Variants in BOD1L1 observed in about 807,000 individuals in gnomAD.
BOD1L1 encodes biorientation of chromosomes in cell division protein 1-like 1.
In BOD1L1, 86 loss-of-function variants were observed where a neutral mutation model predicts 240.7. The ratio of observed to expected loss-of-function variants is 0.36; its 90% CI spans 0.30 to 0.43. The LOEUF is 0.43. Among genes scored for constraint, BOD1L1 ranks in the 20% least tolerant of loss-of-function variants. BOD1L1 has a pLI of 1.00. For missense variants in BOD1L1, 3,554 were observed against 3,643.5 expected (o/e 0.98, Z 0.63); for synonymous variants, 1,268 against 1,272.3 (o/e 1.00, Z 0.07).
intron 17 of BOD1L1, among the ~76,000 whole-genome samples, chr4:13,583,715 ATTT>A (rs1468277853): frequency 6.6e-6 from 1 of 152,160 alleles, no homozygotes; most frequent in Non-Finnish European, 1.5e-5. Flanking sequence ...TTCTCTTATT[ATTT>A]GTTTGTATCT....
At position 13,603,719 on chromosome 4, in the gene BOD1L1, G is replaced by C. The variant is rs146619696; in HGVS notation, c.3181C>G (p.Leu1061Val). The stretch of plus-strand genomic sequence containing the variant: ...CTTCTACTTAATTTCTTTTCCATGA[G>C]TGAACTATTACCTCTGGCCTTTTCA... ...SHEKARGNSS[L>V]MEKKLSRRLC... The change falls in exon 10 of 26, where the codon CTC becomes GTC. Residue 1061 changes from leucine to valine, a missense_variant. Leu to Val is a conservative substitution (Grantham distance 32, BLOSUM62 1). Transcript: ENST00000040738. 3 of 1,613,888 alleles carry C rather than the reference G, an allele frequency of 1.9e-6. No individual in the cohort carries two copies. Among genetic ancestry groups the C allele is most frequent in the South Asian group, 2.2e-5 (2 of 91,082 alleles).
At position 13,611,013 on chromosome 4, in the gene BOD1L1, A is replaced by AC; in HGVS notation, c.1411dup (p.Val471GlyfsTer12). 6.2e-7 allele frequency: 1 copy of AC among 1,612,466 alleles called. No homozygotes were observed. The highest frequency in any genetic ancestry group is 8.5e-7 in the Non-Finnish European group (1 of 1,178,774). On this transcript the variant is annotated frameshift_variant, in exon 6 of 26. Coordinates refer to ENST00000040738, the MANE Select transcript of BOD1L1 (RefSeq NM_148894.3). LOFTEE classifies it high-confidence loss of function. ...TTTTGAGTAAAGATATGGTTTGTGG[A>AC]CATACGCATGCCGTACACTTTTTGT...
At position 13,614,914 on chromosome 4, in the gene BOD1L1, G is replaced by A. The variant is rs1322929544; in HGVS notation, c.560-104C>T. ...GTCATCTTTATATGATGCATATGCT[G>A]TGCAGACCATCTGTATATTCTTTTA... On this transcript the variant is annotated intron_variant, in intron 3 of 25. Transcript: ENST00000040738. The A allele has an allele frequency of 5.9e-6, 7 of 1,195,760 alleles. No homozygotes were observed. In the Admixed American group the frequency reaches 1.4e-4, roughly 24 times the overall value. 74.1% of individuals were successfully genotyped at this position (1,195,760 alleles called of 1,614,324 possible).
In BOD1L1 at chr4:13,604,787, T is replaced by C; in HGVS notation, c.2113A>G (p.Lys705Glu). The change falls in exon 10 of 26, where the codon AAA (lysine) becomes GAA (glutamate). Residue 705 changes from lysine to glutamate, a missense_variant. Physicochemically the swap from Lys to Glu is moderately conservative, Grantham distance 56. Around this residue, in one of 2 missense-constraint regions of BOD1L1, gnomAD observed 3,393 missense variants for 3,427.1 expected, o/e 0.99. Transcript: ENST00000040738. ...AAATGTGGTGTTTCAGAATCATCTT[T>C]CTTTAGATGCTTTTCGTTTTTAAGT... is the stretch of plus-strand genomic sequence containing the variant. ...STLKNEKHLK[K>E]DDSETPHLKS... The C allele has an allele frequency of 1.9e-6, 3 of 1,613,442 alleles. No homozygotes were observed. The highest frequency in any genetic ancestry group is 1.3e-5 in the African/African-American group (1 of 75,008).
In BOD1L1 at chr4:13,613,430, GT is replaced by G; in HGVS notation, c.1324+81del. On this transcript the variant is annotated intron_variant, in intron 5 of 25. Transcript: ENST00000040738. This position sits in a 1 kb window ranked among gnomAD's most constrained non-coding sequence, Gnocchi z 4.0. ...CATGCTCTTGCTACTATACCACACT[GT>G]TTCTCAGGATATAGCCATCAGAATA... 7.6e-7 allele frequency: 1 copy of G among 1,313,866 alleles called. No homozygotes were observed. The highest frequency in any genetic ancestry group is 1.0e-6 in the Non-Finnish European group (1 of 957,560). 81.4% of individuals were successfully genotyped at this position (1,313,866 alleles called of 1,614,324 possible).
At position 13,601,727 on chromosome 4, in the gene BOD1L1, C is replaced by T; in HGVS notation, c.5173G>A (p.Gly1725Ser). 6.2e-7 allele frequency: 1 copy of T among 1,613,948 alleles called. No individual in the cohort carries two copies. Among genetic ancestry groups the T allele is most frequent in the Non-Finnish European group, 8.5e-7 (1 of 1,179,884 alleles). The change falls in exon 10 of 26, where the codon GGC (glycine) becomes AGC (serine). Residue 1725 changes from glycine to serine, a missense_variant. Transcript: ENST00000040738. ...TCTGCTCCTGTACATGTCACAGTGC[C>T]CTCTGTTTCTTTTTTGGGACCCATT... is the stretch of plus-strand genomic sequence containing the variant. ...MRMGPKKETEGTVTCTGAEGR... is the reference protein window; with the variant it reads ...MRMGPKKETESTVTCTGAEGR...
chr4:13,585,251 C>A (rs1713577781), intron 17 of BOD1L1, among the ~76,000 whole-genome samples: 1 of 152,018 alleles, frequency 6.6e-6, no homozygotes, highest in Non-Finnish European at 1.5e-5. Flanking sequence ...TTATTTAGTT[C>A]TTCGGTTACT....
intron 14 of BOD1L1, among the ~76,000 whole-genome samples, chr4:13,589,299 A>G (rs1163556497): frequency 6.6e-6 from 1 of 152,246 alleles, no homozygotes; most frequent in Non-Finnish European, 1.5e-5. Flanking sequence ...TTCCATACCC[A>G]GAATTACAAG....
rs2108865004 is a variant in BOD1L1 at position 13,569,098 on chromosome 4, T to C, written c.*913A>G. On this transcript the variant is annotated 3_prime_UTR_variant, in exon 26 of 26. Transcript: ENST00000040738. ...ATAAAACAACATAAAATCCTGAAACTGGATAGACAGGAGGGACCTAATCTT... is the reference window on the plus strand; with the variant it reads ...ATAAAACAACATAAAATCCTGAAACCGGATAGACAGGAGGGACCTAATCTT... 1 of 152,278 alleles carries C rather than the reference T, an allele frequency of 6.6e-6. No individual in the cohort carries two copies. The highest frequency in any genetic ancestry group is 1.5e-5 in the Non-Finnish European group (1 of 68,022). 9.4% of individuals were successfully genotyped at this position (152,278 alleles called of 1,614,324 possible). A position where few individuals can be genotyped will look rare whatever the true frequency, so the allele number is the denominator to read the frequency against.
Position 13,587,758 on chromosome 4 carries a change from T to G in BOD1L1, c.8294A>C (p.Glu2765Ala), listed in dbSNP as rs1026387590. The change falls in exon 16 of 26, where the codon GAA becomes GCA. Residue 2765 changes from glutamate (E) to alanine (A), a missense_variant. Physicochemically the swap from Glu to Ala is moderately radical, Grantham distance 107. This residue lies in a region of BOD1L1 where 3,393 missense variants were observed against 3,427.1 expected (regional missense o/e 0.99). Transcript: ENST00000040738. Reference protein sequence around the residue: ...EADPKEVEEEERHMPKRKRKQ... With the variant: ...EADPKEVEEEARHMPKRKRKQ... ...TCTTTTTCTTTTAGGCATATGCCTT[T>G]CTTCCTCTTCAACCTGGAATTAAGA... is the stretch of plus-strand genomic sequence containing the variant. 4 of 1,555,364 alleles carry G rather than the reference T, an allele frequency of 2.6e-6. No homozygotes were observed. The highest frequency in any genetic ancestry group is 3.5e-6 in the Non-Finnish European group (4 of 1,146,866).
In BOD1L1 at chr4:13,601,868, T is replaced by C. The variant is rs945730182; in HGVS notation, c.5032A>G (p.Ile1678Val). 1.2e-6 allele frequency: 2 copies of C among 1,613,910 alleles called. No homozygotes were observed. Among genetic ancestry groups the C allele is most frequent in the African/African-American group, 2.7e-5 (2 of 74,938 alleles). ...CTTTCAACTTCACTAATAAAAGTAATAGTTCCTTCAACTATTTCTGAGTCT... is the reference window on the plus strand; with the variant it reads ...CTTTCAACTTCACTAATAAAAGTAACAGTTCCTTCAACTATTTCTGAGTCT... ...SRDSEIVEGT[I>V]TFISEVESDG... Residue 1678 changes from isoleucine to valine, a missense_variant, in exon 10 of 26, where the codon ATT becomes GTT. By Grantham distance (29) the Ile-to-Val change is conservative. Coordinates refer to ENST00000040738, the MANE Select transcript of BOD1L1 (RefSeq NM_148894.3).
At chr4:13,616,790 A>C (rs746982787) in intron 2 of BOD1L1, among the ~76,000 whole-genome samples, 8 of 152,234 alleles carry the variant, frequency 5.3e-5, no homozygotes, top group Admixed American at 2.0e-4. Context: ...ATAGAGAAAA[A>C]TGAGCCAACT....
chr4:13,621,110 C>T (rs1157854716), intron 1 of BOD1L1, among the ~76,000 whole-genome samples: 1 of 152,174 alleles, frequency 6.6e-6, no homozygotes, highest in Non-Finnish European at 1.5e-5. Flanking sequence ...GATGTGCTCC[C>T]TGAGGGGAAC....
In BOD1L1 at chr4:13,603,840, G is replaced by A; in HGVS notation, c.3060C>T (p.His1020=). Residue 1020 remains histidine (H), a synonymous_variant, in exon 10 of 26, where the codon CAC becomes CAT. Transcript: ENST00000040738. ...TACTATGCTTTAAGCTTCTGCTTTT[G>A]TGGCCATCTGACAACTTTCTCTCAA... The part of the protein sequence containing the change: ...TRLERKLSDG[H]KSRSLKHSSK... The A allele has an allele frequency of 6.2e-7, 1 of 1,613,012 alleles. No homozygotes were observed. Among genetic ancestry groups the A allele is most frequent in the South Asian group, 1.1e-5 (1 of 91,054 alleles).
chr4:13,576,883 G>A lies in BOD1L1; in HGVS notation c.8993C>T (p.Pro2998Leu). The A allele has an allele frequency of 6.2e-7, 1 of 1,613,948 alleles. No individual in the cohort carries two copies. ...EEEEEEEEDE[P>L]SGATTRSTTR... ...GGTGGATCTTGTGGTGGCTCCTGAA[G>A]GCTCGTCCTCTTCCTCTTCTTCCTC... The change falls in exon 25 of 26, where the codon CCT becomes CTT. Residue 2998 changes from proline (P) to leucine (L), a missense_variant. Physicochemically the swap from Pro to Leu is moderately conservative, Grantham distance 98 (BLOSUM62 -3). Around this residue, in one of 2 missense-constraint regions of BOD1L1, gnomAD observed 3,393 missense variants for 3,427.1 expected, o/e 0.99. Transcript: ENST00000040738.
chr4:13,596,962 C>A, intron 11 of BOD1L1, 142 bp downstream of exon 11: 1 of 630,736 alleles, frequency 1.6e-6, no homozygotes, highest in Non-Finnish European at 2.7e-6. Flanking sequence ...TTTCCCCCCA[C>A]AGGATATGGC....
In BOD1L1 at chr4:13,600,716, C is replaced by G. The variant is rs766805248; in HGVS notation, c.6184G>C (p.Ala2062Pro). The G allele has an allele frequency of 6.2e-7, 1 of 1,613,994 alleles. No individual in the cohort carries two copies. Among genetic ancestry groups the G allele is most frequent in the Non-Finnish European group, 8.5e-7 (1 of 1,179,886 alleles). ...SGDITNQNSL[A>P]GGKNQGKVLI... ...ACTTTGCCTTGATTTTTACCCCCTG[C>G]TAAGCTATTCTGGTTGGTAATATCA... The change falls in exon 10 of 26, where the codon GCA becomes CCA. Residue 2062 changes from alanine (A) to proline (P), a missense_variant. Ala to Pro is a conservative substitution (Grantham distance 27, BLOSUM62 -1). Transcript: ENST00000040738.
chr4:13,585,333 TA>T (rs1196854814), intron 17 of BOD1L1, among the ~76,000 whole-genome samples: 1 of 152,168 alleles, frequency 6.6e-6, no homozygotes, highest in African/African-American at 2.4e-5. Flanking sequence ...TAACTGGACT[TA>T]AACACTTTTG....
chr4:13,627,440 C>T lies in BOD1L1; in HGVS notation c.148G>A (p.Asp50Asn). Residue 50 changes from aspartate to asparagine, a missense_variant, in exon 1 of 26, where the codon GAC becomes AAC. Asp to Asn is a conservative substitution (Grantham distance 23). Around this residue, in one of 2 missense-constraint regions of BOD1L1, gnomAD observed 161 missense variants for 216.4 expected, o/e 0.74. Coordinates refer to ENST00000040738, the MANE Select transcript of BOD1L1 (RefSeq NM_148894.3). ...ACGATCATGGCCACGAGCTGCGGGT[C>T]CCCGGCGCCCGCACCCGCGCCGCCC... ...GAGGAGAGAG[D>N]PQLVAMIVNH... 1 of 1,288,232 alleles carries T rather than the reference C, an allele frequency of 7.8e-7. No homozygotes were observed. The highest frequency in any genetic ancestry group is 1.0e-6 in the Non-Finnish European group (1 of 1,004,188). The allele number at this position is 1,288,232 out of a possible 1,614,324, so 79.8% of individuals were successfully genotyped here.
Sources: gnomAD v4.1 joint callset for allele counts (sites outside exome capture counted in the v4.1 genomes callset) on GRCh38, gnomAD v4.1.1 for gene constraint, gnomAD v4.1.1 regional missense constraint, Gnocchi (gnomAD v3.1) non-coding constraint, MANE v1.5 for transcripts, NCBI Gene and HGNC (gene_info 2026-07-23, HGNC 2026-07-21) for gene names.